ALPL: variants seen among roughly 807,000 people sequenced by gnomAD.
ALPL encodes the protein alkaline phosphatase, biomineralization associated, also known as alkaline phosphatase, tissue-nonspecific isozyme.
ALPL carries 42 observed loss-of-function variants against 51.3 expected under a neutral mutation model. The ratio of observed to expected loss-of-function variants is 0.82; its 90% CI spans 0.64 to 1.06. The LOEUF is 1.06. ALPL is among the 50% of genes least tolerant of loss of function. The pLI, the probability that ALPL is intolerant of heterozygous loss-of-function variation, is 0.00. For synonymous variants in ALPL, 279 were observed against 296.4 expected (o/e 0.94, Z 0.60); for missense variants, 589 against 709.4 (o/e 0.83, Z 1.93).
chr1:21,536,035 GC>G (rs1644101498), intron 1 of ALPL, among the ~76,000 whole-genome samples: 1 of 152,226 alleles, frequency 6.6e-6, no homozygotes, highest in Non-Finnish European at 1.5e-5. Flanking sequence ...GGCCTGGAAG[GC>G]AGAGCTTGTA....
At chr1:21,572,322 G>A (rs2148181258) in intron 8 of ALPL, among the ~76,000 whole-genome samples, 1 of 152,260 alleles carries the variant, frequency 6.6e-6, no homozygotes, top group Middle Eastern at 3.4e-3. Context: ...CTGGCGAGTT[G>A]GTCTTGGCTG....
intron 1 of ALPL, among the ~76,000 whole-genome samples, chr1:21,511,534 C>T (rs968927640): frequency 4.6e-5 from 7 of 152,224 alleles, no homozygotes; most frequent in African/African-American, 1.4e-4. Flanking sequence ...GGGTTATGTG[C>T]CTACCCTGCC....
At chr1:21,556,688 C>T (rs1644418286) in intron 2 of ALPL, among the ~76,000 whole-genome samples, 1 of 152,110 alleles carries the variant, frequency 6.6e-6, no homozygotes, top group African/African-American at 2.4e-5. Context: ...CCTGTAATCC[C>T]AGCACTTTGG....
At chr1:21,576,253 TGATGGATGGATGGATGGGTG>T (rs1249701984) in intron 10 of ALPL, among the ~76,000 whole-genome samples, 12 of 57,378 alleles carry the variant, frequency 2.1e-4, no homozygotes, top group East Asian at 1.2e-3. Flanking sequence ...GATGGATGGA[TGATGGATGGATGGATGGGTG>T]GATGGATGGA....
In ALPL at chr1:21,554,051, T is replaced by C; in HGVS notation, c.-31T>C. On this transcript the variant is annotated 5_prime_UTR_variant, in exon 2 of 12. Transcript: ENST00000374840. ...ACCCACGTCGATTGCATCTCTGGGC[T>C]CCAGGGATAAAGCAGGTCTTGGGGT... 1 of 1,145,158 alleles carries C rather than the reference T, an allele frequency of 8.7e-7. No homozygotes were observed. The highest frequency in any genetic ancestry group is 1.2e-6 in the Non-Finnish European group (1 of 807,842). The allele number at this position is 1,145,158 out of a possible 1,614,324, so 70.9% of individuals were successfully genotyped here.
intron 2 of ALPL, among the ~76,000 whole-genome samples, chr1:21,555,234 C>T (rs1319490834): frequency 6.6e-5 from 10 of 152,188 alleles, no homozygotes; most frequent in South Asian, 2.1e-4. Flanking sequence ...AAGGTAATGT[C>T]GTCAGTTAAG....
At chr1:21,530,078 T>C (rs561614552) in intron 1 of ALPL, among the ~76,000 whole-genome samples, 1 of 152,240 alleles carries the variant, frequency 6.6e-6, no homozygotes, top group East Asian at 1.9e-4. Flanking sequence ...TCTGGTCCTG[T>C]TAATGGTTTT....
At chr1:21,534,902 ATCTT>A (rs751762582) in intron 1 of ALPL, among the ~76,000 whole-genome samples, 1 of 152,090 alleles carries the variant, frequency 6.6e-6, no homozygotes, top group East Asian at 1.9e-4. Flanking sequence ...ACCTTCTCTG[ATCTT>A]TCTATTTAAA....
At chr1:21,519,634 T>G (rs1643864011) in intron 1 of ALPL, among the ~76,000 whole-genome samples, 1 of 152,152 alleles carries the variant, frequency 6.6e-6, no homozygotes. Flanking sequence ...CTATCTGTAC[T>G]AAGAATACAA....
intron 4 of ALPL, 117 bp from the exon 5 acceptor site, chr1:21,562,993 G>A: frequency 1.4e-6 from 2 of 1,393,928 alleles, no homozygotes; most frequent in Non-Finnish European, 2.0e-6. Flanking sequence ...CCTGGTCAAG[G>A]CTATGGGGTC....
chr1:21,530,492 G>A (rs1018977694), intron 1 of ALPL, among the ~76,000 whole-genome samples: 1 of 152,132 alleles, frequency 6.6e-6, no homozygotes, highest in Non-Finnish European at 1.5e-5. Context: ...CCAAGGAGAC[G>A]ACATTGCCAG....
intron 2 of ALPL, among the ~76,000 whole-genome samples, chr1:21,556,649 C>G (rs1644417762): frequency 6.6e-6 from 1 of 151,022 alleles, no homozygotes; most frequent in African/African-American, 2.4e-5. Context: ...AAAAAGAAAC[C>G]AGCTTCTGGC....
At chr1:21,556,403 G>T (rs1234365203) in intron 2 of ALPL, among the ~76,000 whole-genome samples, 1 of 152,194 alleles carries the variant, frequency 6.6e-6, no homozygotes, top group African/African-American at 2.4e-5. Flanking sequence ...TGCGTTGGGA[G>T]GCTGAGGTGG....
intron 1 of ALPL, among the ~76,000 whole-genome samples, chr1:21,528,955 A>G (rs1202520327): frequency 2.0e-5 from 3 of 151,700 alleles, no homozygotes; most frequent in African/African-American, 7.3e-5. Context: ...CTGTAATCCC[A>G]GCTACTCAGG....
chr1:21,533,137 T>A (rs1644053365), intron 1 of ALPL, among the ~76,000 whole-genome samples: 1 of 152,198 alleles, frequency 6.6e-6, no homozygotes, highest in African/African-American at 2.4e-5. Flanking sequence ...TACCCTAATA[T>A]ATGGGTTAAG....
At chr1:21,533,934 AAAAGAAGAAG>A (rs1208084512) in intron 1 of ALPL, among the ~76,000 whole-genome samples, 303 of 132,320 alleles carry the variant, frequency 2.3e-3, no homozygotes, top group Middle Eastern at 3.9e-3. Flanking sequence ...CAAAAAAAAA[AAAAGAAGAAG>A]AAGAAGAAGA....
At chr1:21,557,179 G>T (rs907524803) in intron 2 of ALPL, among the ~76,000 whole-genome samples, 1 of 152,200 alleles carries the variant, frequency 6.6e-6, no homozygotes, top group Non-Finnish European at 1.5e-5. Flanking sequence ...CCATTATGTG[G>T]CTAGAAGTCC....
In ALPL at chr1:21,577,773, A is replaced by G; in HGVS notation, c.*125A>G. ...TCTGCAACTGCAAGAAAGGGGACCC[A>G]AGAAACCAAAGTCTGCCGCCCACCT... is the stretch of plus-strand genomic sequence containing the variant. On this transcript the variant is annotated 3_prime_UTR_variant, in exon 12 of 12. Coordinates refer to ENST00000374840, the MANE Select transcript of ALPL (RefSeq NM_000478.6). 7.7e-7 allele frequency: 1 copy of G among 1,305,774 alleles called. No homozygotes were observed. Among genetic ancestry groups the G allele is most frequent in the South Asian group, 1.4e-5 (1 of 71,468 alleles). 80.9% of individuals were successfully genotyped at this position (1,305,774 alleles called of 1,614,324 possible). A position where few individuals can be genotyped will look rare whatever the true frequency, so the allele number is the denominator to read the frequency against.
At chr1:21,514,871 A>C (rs1040725445) in intron 1 of ALPL, among the ~76,000 whole-genome samples, 1 of 152,128 alleles carries the variant, frequency 6.6e-6, no homozygotes, top group Non-Finnish European at 1.5e-5. Context: ...TTTGCAGTTA[A>C]GGAGACTGAG....
Sources: gnomAD v4.1 joint callset for allele counts (sites outside exome capture counted in the v4.1 genomes callset) on GRCh38, gnomAD v4.1.1 for gene constraint, MANE v1.5 for transcripts, NCBI Gene and HGNC (gene_info 2026-07-23, HGNC 2026-07-21) for gene names.